Variants in PRKG1 observed in about 807,000 individuals in gnomAD.
PRKG1 encodes the protein cGMP-dependent protein kinase 1.
A neutral mutation model predicts 88.1 loss-of-function variants in PRKG1; 35 were observed. The observed-to-expected ratio is 0.40, with a 90% CI of 0.30 to 0.53. The LOEUF is 0.53. PRKG1 is among the 20% of genes least tolerant of loss of function. PRKG1 has a pLI of 0.59. For missense variants in PRKG1, 540 were observed against 839.8 expected, an observed-to-expected ratio of 0.64 and a Z score of 4.41; for synonymous variants, 303 against 292.5, an observed-to-expected ratio of 1.04 and a Z score of -0.37.
intron 3 of PRKG1, among the ~76,000 whole-genome samples, chr10:51,716,373 A>C (rs1161212389): frequency 6.6e-6 from 1 of 152,174 alleles, no homozygotes; most frequent in Non-Finnish European, 1.5e-5. Context: ...GCCATTCTAA[A>C]ATCCATGTCT....
At chr10:51,695,907 A>G (rs1841278821) in intron 3 of PRKG1, 1 of 152,204 alleles carries the variant, frequency 6.6e-6, no homozygotes, top group Non-Finnish European at 1.5e-5. Flanking sequence ...TTTCTTCTCC[A>G]TAGTAAGATC....
intron 1 of PRKG1, among the ~76,000 whole-genome samples, chr10:51,114,189 A>G (rs1335212354): frequency 6.6e-6 from 1 of 152,112 alleles, no homozygotes; most frequent in Non-Finnish European, 1.5e-5. Context: ...TTGCTCCTAT[A>G]CGACATGATT....
chr10:51,153,189 A>G lies in PRKG1; in HGVS notation c.337A>G (p.Ile113Val), dbSNP rs1554841032. 6.2e-7 allele frequency: 1 copy of G among 1,612,320 alleles called. No individual in the cohort carries two copies. The highest frequency in any genetic ancestry group is 8.5e-7 in the Non-Finnish European group (1 of 1,178,792). The change falls in exon 2 of 18, where the codon ATC (isoleucine) becomes GTC (valine). Residue 113 changes from isoleucine to valine, a missense_variant. Coordinates refer to ENST00000373980, the MANE Select transcript of PRKG1 (RefSeq NM_006258.4). ...PQSKDLIKEA[I>V]LDNDFMKNLE... ...GTCCAAGGATCTTATAAAGGAAGCT[A>G]TCCTTGACAATGACTTTATGAAGAA... is the stretch of plus-strand genomic sequence containing the variant.
At chr10:51,804,903 T>A (rs1348621507) in intron 4 of PRKG1, among the ~76,000 whole-genome samples, 1 of 152,116 alleles carries the variant, frequency 6.6e-6, no homozygotes, top group East Asian at 1.9e-4. Context: ...CTTCTTTATA[T>A]TTCTGGTGCC....
intron 5 of PRKG1, among the ~76,000 whole-genome samples, chr10:52,015,561 C>A (rs1198959462): frequency 6.6e-6 from 1 of 152,174 alleles, no homozygotes; most frequent in Non-Finnish European, 1.5e-5. Flanking sequence ...TAACATTTGG[C>A]TCCTCATTAC....
chr10:51,520,823 C>T (rs972513853), intron 3 of PRKG1, among the ~76,000 whole-genome samples: 3 of 152,142 alleles, frequency 2.0e-5, no homozygotes, highest in African/African-American at 7.2e-5. Flanking sequence ...GAAGAATTTT[C>T]TGTACATTGA....
intron 9 of PRKG1, among the ~76,000 whole-genome samples, chr10:52,179,287 T>C (rs976756800): frequency 6.6e-6 from 1 of 152,204 alleles, no homozygotes; most frequent in Non-Finnish European, 1.5e-5. Context: ...AGTGATGAAT[T>C]CCCTTAGCTT....
At chr10:52,278,536 A>G (rs1039576382) in intron 12 of PRKG1, among the ~76,000 whole-genome samples, 7 of 152,188 alleles carry the variant, frequency 4.6e-5, no homozygotes, top group Non-Finnish European at 1.0e-4. Flanking sequence ...ACTATTCACA[A>G]TAGCAAAGAC....
chr10:52,024,798 A>T (rs1172061899), intron 5 of PRKG1, among the ~76,000 whole-genome samples: 1 of 152,158 alleles, frequency 6.6e-6, no homozygotes, highest in East Asian at 1.9e-4. Context: ...ATACGTGTGC[A>T]TGTGTCTTTA....
At chr10:51,091,437 T>C (rs969657391) in intron 1 of PRKG1, among the ~76,000 whole-genome samples, 5 of 152,194 alleles carry the variant, frequency 3.3e-5, no homozygotes, top group Non-Finnish European at 7.3e-5. Context: ...TTATAAATTT[T>C]CCTTTTCTAT....
chr10:51,998,066 CTT>C (rs1425843555), intron 5 of PRKG1, among the ~76,000 whole-genome samples: 1 of 152,130 alleles, frequency 6.6e-6, no homozygotes, highest in Non-Finnish European at 1.5e-5. Flanking sequence ...GGAATGTTCT[CTT>C]TTATTCCTCA....
chr10:51,165,767 G>A (rs887803257), intron 2 of PRKG1, among the ~76,000 whole-genome samples: 2 of 152,144 alleles, frequency 1.3e-5, no homozygotes, highest in Admixed American at 6.5e-5. Flanking sequence ...ATATGTAATG[G>A]TATGTTTATT....
chr10:51,485,734 T>C (rs1026906561), intron 3 of PRKG1, among the ~76,000 whole-genome samples: 5 of 152,210 alleles, frequency 3.3e-5, no homozygotes, highest in African/African-American at 1.2e-4. Flanking sequence ...AAAAAGCTTC[T>C]TTGGAAACAA....
intron 13 of PRKG1, among the ~76,000 whole-genome samples, chr10:52,281,775 G>A (rs1397114483): frequency 6.6e-6 from 1 of 152,064 alleles, no homozygotes; most frequent in South Asian, 2.1e-4. Context: ...CAGAAATCAT[G>A]TATATTCTGG....
At position 51,349,468 on chromosome 10, in the gene PRKG1, G is replaced by GTGTGTA. The variant is rs1554798018; in HGVS notation, c.479-118250_479-118249insATGTGT. 1.0e-3 allele frequency among the ~76,000 whole-genome samples: 157 copies of GTGTGTA among 149,662 alleles called. 2 individuals are homozygous for GTGTGTA. Among genetic ancestry groups the GTGTGTA allele is most frequent in the Admixed American group, 8.2e-3 (123 of 15,052 alleles). On this transcript the variant is annotated intron_variant, in intron 2 of 17. Coordinates refer to ENST00000373980, the MANE Select transcript of PRKG1 (RefSeq NM_006258.4). Reference sequence around the variant, plus strand: ...GTTCATATTGTTTGTGTGTGTGTGTGTGTGTGTGTGTGTGTATGTGTGTGT... The same window carrying GTGTGTA: ...GTTCATATTGTTTGTGTGTGTGTGTGTGTGTATGTGTGTGTGTGTGTATGTGTGTGT...
At chr10:51,181,224 A>ATTTTTTTTTTTTTTTTTTTT (rs1223588085) in intron 2 of PRKG1, among the ~76,000 whole-genome samples, 1 of 78,278 alleles carries the variant, frequency 1.3e-5, no homozygotes, top group Non-Finnish European at 2.4e-5. Flanking sequence ...ATTATATAGA[A>ATTTTTTTTTTTTTTTTTTTT]TTTTTTTTTT....
chr10:51,469,400 G>A (rs1411041994), intron 3 of PRKG1, among the ~76,000 whole-genome samples: 1 of 151,416 alleles, frequency 6.6e-6, no homozygotes, highest in Non-Finnish European at 1.5e-5. Context: ...GCCAACAGTT[G>A]GTAATAACAT....
At chr10:52,064,364 C>A (rs867609062) in intron 7 of PRKG1, among the ~76,000 whole-genome samples, 3 of 152,196 alleles carry the variant, frequency 2.0e-5, no homozygotes, top group African/African-American at 7.2e-5. Context: ...AGAATAGGAG[C>A]CAAAAACAGA....
intron 1 of PRKG1, 23 bp downstream of exon 1, chr10:51,074,924 G>A: frequency 6.4e-7 from 1 of 1,569,970 alleles, no homozygotes; most frequent in Non-Finnish European, 8.7e-7. Context: ...GACGCGCCGG[G>A]TCCATGTGGC....
Sources: allele counts gnomAD v4.1 joint callset (sites outside exome capture counted in the v4.1 genomes callset), GRCh38; gene constraint gnomAD v4.1.1; transcripts MANE v1.5; gene names NCBI Gene and HGNC (gene_info 2026-07-23, HGNC 2026-07-21).